LUZP2: variants seen among roughly 807,000 people sequenced by gnomAD.
LUZP2 encodes the protein leucine zipper protein 2.
LUZP2 carries 52 observed loss-of-function variants against 51.6 expected under a neutral mutation model. The ratio of observed to expected loss-of-function variants is 1.01; its 90% CI spans 0.81 to 1.27. LUZP2 has a LOEUF of 1.27. Ranked by LOEUF, LUZP2 falls within the 50% of genes most tolerant of loss-of-function variation. The probability of loss-of-function intolerance (pLI) is 0.00; values close to 1 mark genes in which losing one functional copy is unlikely to be tolerated. For synonymous variants in LUZP2, 154 were observed against 137.3 expected (o/e 1.12, Z -0.85); for missense variants, 436 against 395.4 (o/e 1.10, Z -0.87).
At chr11:24,720,470 A>T (rs781595839) in intron 1 of LUZP2, among the ~76,000 whole-genome samples, 1 of 152,230 alleles carries the variant, frequency 6.6e-6, no homozygotes, top group Admixed American at 6.5e-5. Flanking sequence ...TGTGAGATGG[A>T]TCAATGCAAT....
intron 5 of LUZP2, among the ~76,000 whole-genome samples, chr11:24,902,062 T>C (rs1383302412): frequency 1.3e-5 from 2 of 152,196 alleles, no homozygotes; most frequent in Non-Finnish European, 2.9e-5. Flanking sequence ...AGAAAAGTTA[T>C]TTAGTCCAAA....
At chr11:24,613,896 C>CAA (rs1260695810) in intron 1 of LUZP2, among the ~76,000 whole-genome samples, 57 of 152,018 alleles carry the variant, frequency 3.7e-4, no homozygotes, top group Admixed American at 9.8e-4. Context: ...CTTAAATATC[C>CAA]CATGAAAACA....
chr11:24,605,858 C>T (rs1853899163), intron 1 of LUZP2, among the ~76,000 whole-genome samples: 1 of 151,392 alleles, frequency 6.6e-6, no homozygotes, highest in Admixed American at 6.6e-5. Flanking sequence ...AGCATATCCC[C>T]ATTTTTTTCA....
intron 9 of LUZP2, among the ~76,000 whole-genome samples, chr11:25,034,667 T>G (rs1249043340): frequency 6.6e-6 from 1 of 152,176 alleles, no homozygotes; most frequent in African/African-American, 2.4e-5. Flanking sequence ...GTTCCATTTA[T>G]TGAATTGGGA....
intron 1 of LUZP2, among the ~76,000 whole-genome samples, chr11:24,518,729 G>A (rs1175116645): frequency 6.6e-6 from 1 of 152,132 alleles, no homozygotes; most frequent in Non-Finnish European, 1.5e-5. Flanking sequence ...AAAATTCTCT[G>A]AAAAAGAATT....
intron 1 of LUZP2, among the ~76,000 whole-genome samples, chr11:24,608,936 A>C (rs990674034): frequency 6.6e-6 from 1 of 152,112 alleles, no homozygotes; most frequent in East Asian, 1.9e-4. Flanking sequence ...TTAGATATCT[A>C]GTGGTATTTG....
intron 9 of LUZP2, among the ~76,000 whole-genome samples, chr11:25,009,789 T>C (rs1051775384): frequency 3.3e-5 from 5 of 152,136 alleles, no homozygotes; most frequent in African/African-American, 1.2e-4. Flanking sequence ...CTTCATGCAA[T>C]AAAAATAACA....
intron 7 of LUZP2, among the ~76,000 whole-genome samples, chr11:24,963,262 T>C (rs1855472865): frequency 6.6e-6 from 1 of 152,178 alleles, no homozygotes; most frequent in African/African-American, 2.4e-5. Context: ...GATCTCCAGC[T>C]GCGTGCTGGG....
At chr11:24,644,370 T>C (rs1855401842) in intron 1 of LUZP2, among the ~76,000 whole-genome samples, 1 of 152,116 alleles carries the variant, frequency 6.6e-6, no homozygotes, top group South Asian at 2.1e-4. Context: ...TAGAAATCAG[T>C]ACAGCCCACT....
chr11:25,068,423 G>A (rs1224939555), intron 10 of LUZP2, among the ~76,000 whole-genome samples: 2 of 151,878 alleles, frequency 1.3e-5, no homozygotes, highest in Non-Finnish European at 2.9e-5. Flanking sequence ...CCAAATATTT[G>A]AGTATTAAAA....
intron 9 of LUZP2, among the ~76,000 whole-genome samples, chr11:25,002,336 T>A (rs538581995): frequency 6.6e-6 from 1 of 152,290 alleles, no homozygotes; most frequent in East Asian, 1.9e-4. Flanking sequence ...CAAGAGATCA[T>A]CTCGGGCAGC....
intron 1 of LUZP2, among the ~76,000 whole-genome samples, chr11:24,581,536 TGGC>T (rs1444264828): frequency 6.3e-5 from 9 of 142,586 alleles, no homozygotes; most frequent in Admixed American, 3.5e-4. Flanking sequence ...CCAGGTGTGG[TGGC>T]GCTCTCTTGC....
chr11:24,835,374 A>G (rs546528301), intron 5 of LUZP2, among the ~76,000 whole-genome samples: 2 of 152,322 alleles, frequency 1.3e-5, no homozygotes, highest in South Asian at 2.1e-4. Context: ...AAACCTTGGC[A>G]ATACCATTCA....
intron 5 of LUZP2, among the ~76,000 whole-genome samples, chr11:24,788,180 ATTTTTTTT>A (rs61308017): frequency 5.6e-4 from 47 of 83,404 alleles, no homozygotes; most frequent in East Asian, 1.1e-3. Context: ...TTTGTTTTTA[ATTTTTTTT>A]TTTTTTTTTT....
At chr11:25,077,146 T>A (rs1159869341) in intron 10 of LUZP2, among the ~76,000 whole-genome samples, 183 bp from the exon 11 acceptor site, 1 of 152,192 alleles carries the variant, frequency 6.6e-6, no homozygotes, top group East Asian at 1.9e-4. Flanking sequence ...TCAGGAATGC[T>A]TGCTCTCTCC....
chr11:25,044,663 G>T (rs556287928), intron 9 of LUZP2, among the ~76,000 whole-genome samples: 1 of 151,942 alleles, frequency 6.6e-6, no homozygotes, highest in East Asian at 1.9e-4. Context: ...GATTCCTCAG[G>T]GATCTAGAAC....
At chr11:24,542,113 G>A (rs1362763861) in intron 1 of LUZP2, among the ~76,000 whole-genome samples, 1 of 152,068 alleles carries the variant, frequency 6.6e-6, no homozygotes, top group Non-Finnish European at 1.5e-5. Flanking sequence ...ATTGGAAGGA[G>A]AGTCTGCTAG....
intron 9 of LUZP2, among the ~76,000 whole-genome samples, chr11:25,000,669 T>C (rs527848688): frequency 1.3e-5 from 2 of 152,318 alleles, no homozygotes; most frequent in East Asian, 3.9e-4. Context: ...TGAAAGGTGT[T>C]GCCTGATTTC....
At chr11:24,948,490 G>A (rs1358388664) in intron 7 of LUZP2, among the ~76,000 whole-genome samples, 2 of 151,646 alleles carry the variant, frequency 1.3e-5, no homozygotes, top group African/African-American at 4.8e-5. Context: ...TATAGAGTCT[G>A]AAGAGCAGGG....
Sources: allele counts gnomAD v4.1 joint callset (sites outside exome capture counted in the v4.1 genomes callset), GRCh38; gene constraint gnomAD v4.1.1; transcripts MANE v1.5; gene names NCBI Gene and HGNC (gene_info 2026-07-23, HGNC 2026-07-21).